Variants in WDCP observed in about 807,000 individuals in gnomAD.
WDCP encodes the protein WD repeat and coiled coil containing.
In WDCP, 19 loss-of-function variants were observed where a neutral mutation model predicts 41.6. The ratio of observed to expected loss-of-function variants is 0.46; its 90% CI spans 0.32 to 0.67. The LOEUF (loss-of-function observed/expected upper bound fraction) is 0.67. Among genes scored for constraint, WDCP ranks in the 30% least tolerant of loss-of-function variants. The pLI is 0.04. For synonymous variants in WDCP, 302 were observed against 320.8 expected, an observed-to-expected ratio of 0.94 and a Z score of 0.63; for missense variants, 802 against 850.7, an observed-to-expected ratio of 0.94 and a Z score of 0.71.
At chr2:24,031,566 C>T (rs1175991580) in intron 3 of WDCP, among the ~76,000 whole-genome samples, 1 of 152,216 alleles carries the variant, frequency 6.6e-6, no homozygotes, top group African/African-American at 2.4e-5. Flanking sequence ...GTGGCTCACG[C>T]CTATAATCCC....
At position 24,030,759 on chromosome 2, in the gene WDCP, C is replaced by T; in HGVS notation, c.*174G>A. 1 of 605,430 alleles carries T rather than the reference C, an allele frequency of 1.7e-6. No homozygotes were observed. The highest frequency in any genetic ancestry group is 2.1e-5 in the South Asian group (1 of 47,226). The allele number at this position is 605,430 out of a possible 1,614,324, so 37.5% of individuals were successfully genotyped here. ...GCCATCTAATAAAGACTGAGCTCTG[C>T]TACACAGCAGCGAGCCTCAGCTCAG... is the stretch of plus-strand genomic sequence containing the variant. On this transcript the variant is annotated 3_prime_UTR_variant, in exon 4 of 4. Coordinates refer to ENST00000295148, the MANE Select transcript of WDCP (RefSeq NM_025203.3).
At chr2:24,031,248 G>A (rs1265308339) in intron 3 of WDCP, 86 bp from the exon 4 acceptor site, 8 of 881,288 alleles carry the variant, frequency 9.1e-6, no homozygotes, top group African/African-American at 1.7e-5. Context: ...TTTTCTGAGT[G>A]AAGGAATATA....
chr2:24,034,990 T>C (rs1188777243), intron 2 of WDCP, among the ~76,000 whole-genome samples: 2 of 151,606 alleles, frequency 1.3e-5, no homozygotes, highest in Non-Finnish European at 2.9e-5. Context: ...TTAAAGAAAA[T>C]TTTAAAAATA....
chr2:24,042,314 G>A (rs1663468062), intron 1 of WDCP, among the ~76,000 whole-genome samples: 1 of 152,016 alleles, frequency 6.6e-6, no homozygotes, highest in Non-Finnish European at 1.5e-5. Flanking sequence ...GAGGCAGGCG[G>A]ATCACGAGGT....
intron 2 of WDCP, among the ~76,000 whole-genome samples, chr2:24,035,699 G>GA (rs1431981463): frequency 4.0e-5 from 6 of 151,866 alleles, no homozygotes; most frequent in Non-Finnish European, 7.4e-5. Flanking sequence ...AGGACTGCTT[G>GA]AGCCCAGGAC....
intron 2 of WDCP, 133 bp from the exon 3 acceptor site, chr2:24,033,079 T>A (rs1458302843): frequency 7.0e-6 from 5 of 710,742 alleles, no homozygotes; most frequent in Non-Finnish European, 1.3e-5. Context: ...ACTTCAGTTT[T>A]AAGGAGCTCT....
chr2:24,037,078 A>G (rs1447742938), intron 2 of WDCP, among the ~76,000 whole-genome samples: 2 of 152,218 alleles, frequency 1.3e-5, no homozygotes, highest in African/African-American at 4.8e-5. Context: ...CCCAGGCTGG[A>G]GTGCAGTGGC....
At chr2:24,031,574 C>T (rs1224008484) in intron 3 of WDCP, among the ~76,000 whole-genome samples, 21 of 152,196 alleles carry the variant, frequency 1.4e-4, no homozygotes, top group Admixed American at 1.4e-3. Context: ...CGCCTATAAT[C>T]CCACCACTTT....
chr2:24,035,828 T>C (rs1663231946), intron 2 of WDCP, among the ~76,000 whole-genome samples: 1 of 151,786 alleles, frequency 6.6e-6, no homozygotes, highest in African/African-American at 2.4e-5. Context: ...CTCAGCACTC[T>C]GGGAGGCCAA....
chr2:24,038,885 T>C lies in WDCP; in HGVS notation c.610A>G (p.Ser204Gly), dbSNP rs1373006584. The stretch of plus-strand genomic sequence containing the variant: ...GTTGCTGTGATGGAGCAGACGTGGC[T>C]GTCCACATCAAACACCAGGCAGGAG... ...CSSCLVFDVD[S>G]HVCSITATVD... Residue 204 changes from serine to glycine, a missense_variant, in exon 2 of 4, where the codon AGC becomes GGC. Physicochemically the swap from Ser to Gly is moderately conservative, Grantham distance 56. This residue lies in a region of WDCP where 214 missense variants were observed against 252.9 expected (regional missense o/e 0.85). Transcript: ENST00000295148. 1 of 1,614,242 alleles carries C rather than the reference T, an allele frequency of 6.2e-7. No homozygotes were observed.
rs200162088 is a variant in WDCP, at chr2:24,031,835, AAAAG to A, written c.1937-677_1937-674del. The stretch of plus-strand genomic sequence containing the variant: ...AGTGAGACTCGGTCTCAAAAAAAAA[AAAAG>A]AAAGAAAGAAACATTCTGCAATGCT... On this transcript the variant is annotated intron_variant, in intron 3 of 3. Transcript: ENST00000295148. 1.0e-3 allele frequency among the ~76,000 whole-genome samples: 155 copies of A among 152,164 alleles called. 4 individuals are homozygous for A. In the East Asian group the frequency reaches 0.026, roughly 25 times the overall value.
chr2:24,030,812 G>A lies in WDCP; in HGVS notation c.*121C>T, dbSNP rs1663077964. On this transcript the variant is annotated 3_prime_UTR_variant, in exon 4 of 4. Transcript: ENST00000295148. The stretch of plus-strand genomic sequence containing the variant: ...GAAACAGGGGGAAACCAGGAGAGCC[G>A]ACCATGGCAAGCGCTTCGCCTGAGT... 2 of 748,462 alleles carry A rather than the reference G, an allele frequency of 2.7e-6. No individual in the cohort carries two copies. Among genetic ancestry groups the A allele is most frequent in the African/African-American group, 1.8e-5 (1 of 56,652 alleles). The allele number at this position is 748,462 out of a possible 1,614,324, so 46.4% of individuals were successfully genotyped here. A position where few individuals can be genotyped will look rare whatever the true frequency, so the allele number is the denominator to read the frequency against.
At chr2:24,044,310 C>T (rs1032856511) in intron 1 of WDCP, among the ~76,000 whole-genome samples, 1 of 151,996 alleles carries the variant, frequency 6.6e-6, no homozygotes, top group Non-Finnish European at 1.5e-5. Flanking sequence ...TGCTCCGTTA[C>T]CCAGGCTGGA....
At chr2:24,035,275 T>C (rs945367650) in intron 2 of WDCP, among the ~76,000 whole-genome samples, 1 of 151,804 alleles carries the variant, frequency 6.6e-6, no homozygotes, top group Non-Finnish European at 1.5e-5. Flanking sequence ...CTCTAGGACA[T>C]ACTATTAAAT....
chr2:24,047,044 C>G (rs760825406), intron 1 of WDCP, among the ~76,000 whole-genome samples: 3 of 152,170 alleles, frequency 2.0e-5, no homozygotes, highest in Admixed American at 6.5e-5. Context: ...AGGCTTAAAG[C>G]ATTTCCTGAC....
intron 3 of WDCP, 140 bp from the exon 4 acceptor site, chr2:24,031,302 G>C (rs1404250989): frequency 4.7e-6 from 3 of 638,714 alleles, no homozygotes; most frequent in Non-Finnish European, 8.3e-6. Context: ...ATTTTACAGA[G>C]AATGGGGTAT....
At chr2:24,039,893 G>A (rs1052259278) in intron 1 of WDCP, among the ~76,000 whole-genome samples, 1 of 152,062 alleles carries the variant, frequency 6.6e-6, no homozygotes, top group Non-Finnish European at 1.5e-5. Context: ...TGCCTCCTGG[G>A]TTCAAGCGAT....
Position 24,038,588 on chromosome 2 carries a change from G to C in WDCP, c.907C>G (p.Leu303Val), listed in dbSNP as rs1663328393. The change falls in exon 2 of 4, where the codon CTA becomes GTA. Residue 303 changes from leucine to valine, a missense_variant. Physicochemically the swap from Leu to Val is conservative, Grantham distance 32. Around this residue, in one of 5 missense-constraint regions of WDCP, gnomAD observed 247 missense variants for 240.5 expected, o/e 1.03. Transcript: ENST00000295148. The part of the protein sequence containing the change: ...HKSEGNSLIC[L>V]RKKDYLTGTG... ...CCTGTCAAGTAGTCCTTTTTTCTTA[G>C]ACAAATAAGAGAATTACCCTCAGAC... is the stretch of plus-strand genomic sequence containing the variant. 1.9e-6 allele frequency: 3 copies of C among 1,613,752 alleles called. No homozygotes were observed. Among genetic ancestry groups the C allele is most frequent in the African/African-American group, 2.7e-5 (2 of 75,016 alleles).
rs765632642 is a variant in WDCP at position 24,040,300 on chromosome 2, T to C, written c.-18-788A>G. On this transcript the variant is annotated intron_variant, in intron 1 of 3. Coordinates refer to ENST00000295148, the MANE Select transcript of WDCP (RefSeq NM_025203.3). ...AACAAATGTAGCAAAATGTTAATAA[T>C]TGTAGAGTCTAGATTGAGGCTATGT... is the stretch of plus-strand genomic sequence containing the variant. Among the ~76,000 whole-genome samples, 4 of 152,340 alleles carry C rather than the reference T, an allele frequency of 2.6e-5. No homozygotes were observed. In the East Asian group the frequency reaches 5.8e-4, roughly 22 times the overall value.
Sources: gnomAD v4.1 joint callset for allele counts (sites outside exome capture counted in the v4.1 genomes callset) on GRCh38, gnomAD v4.1.1 for gene constraint, gnomAD v4.1.1 regional missense constraint, MANE v1.5 for transcripts, NCBI Gene and HGNC (gene_info 2026-07-23, HGNC 2026-07-21) for gene names.